The following CAMK1D variants were observed in gnomAD, a reference collection of about 807,000 sequenced individuals.
The protein encoded by CAMK1D is calcium/calmodulin-dependent protein kinase type 1D.
In CAMK1D, 9 loss-of-function variants were observed where a neutral mutation model predicts 47.7. The observed-to-expected ratio is 0.19, with a 90% CI of 0.11 to 0.33. CAMK1D has a LOEUF of 0.33. CAMK1D is among the 10% of genes least tolerant of loss of function. The probability of loss-of-function intolerance (pLI) is 1.00; values close to 1 mark genes in which losing one functional copy is unlikely to be tolerated. For synonymous variants in CAMK1D, 184 were observed against 184.9 expected (o/e 0.99, Z 0.04); for missense variants, 291 against 488.7 (o/e 0.60, Z 3.81).
At chr10:12,794,328 C>G (rs557873394) in intron 6 of CAMK1D, among the ~76,000 whole-genome samples, 1 of 152,046 alleles carries the variant, frequency 6.6e-6, no homozygotes, top group South Asian at 2.1e-4. Context: ...TGGGTGAGAT[C>G]AATAATTTGG....
intron 2 of CAMK1D, among the ~76,000 whole-genome samples, chr10:12,650,301 G>A (rs536703595): frequency 4.6e-5 from 7 of 152,254 alleles, no homozygotes; most frequent in African/African-American, 9.6e-5. Context: ...CCCGACCAGC[G>A]TGCCAGGGGC....
At chr10:12,771,136 G>T (rs921000573) in intron 5 of CAMK1D, among the ~76,000 whole-genome samples, 4 of 152,116 alleles carry the variant, frequency 2.6e-5, no homozygotes, top group South Asian at 4.1e-4. Flanking sequence ...TGTCATGTTG[G>T]CCAGGCTGGT....
chr10:12,399,628 A>G (rs928650623), intron 1 of CAMK1D, among the ~76,000 whole-genome samples: 2 of 152,222 alleles, frequency 1.3e-5, no homozygotes, highest in Admixed American at 6.5e-5. Context: ...TTTGCACTAT[A>G]TGCCAGTAAT....
chr10:12,644,062 G>A (rs1839749935), intron 2 of CAMK1D, among the ~76,000 whole-genome samples: 1 of 151,988 alleles, frequency 6.6e-6, no homozygotes, highest in Non-Finnish European at 1.5e-5. Context: ...TAAAGTGCAC[G>A]ATAAATGTAA....
At chr10:12,587,592 C>T (rs544443163) in intron 2 of CAMK1D, among the ~76,000 whole-genome samples, 5 of 151,358 alleles carry the variant, frequency 3.3e-5, no homozygotes, top group Admixed American at 2.6e-4. Context: ...CATATGCAGC[C>T]CGAGTTGAGA....
chr10:12,721,225 T>C (rs1365928755), intron 3 of CAMK1D, among the ~76,000 whole-genome samples: 2 of 152,238 alleles, frequency 1.3e-5, no homozygotes, highest in Non-Finnish European at 2.9e-5. Context: ...CACATTTCAA[T>C]TACTCGATAA....
At chr10:12,440,288 T>A (rs1832748848) in intron 1 of CAMK1D, among the ~76,000 whole-genome samples, 4 of 17,234 alleles carry the variant, frequency 2.3e-4, no homozygotes. Context: ...CTTTTTGGAT[T>A]TTTTTTTTTT....
chr10:12,489,490 G>T (rs933262360), intron 1 of CAMK1D, among the ~76,000 whole-genome samples: 7 of 152,156 alleles, frequency 4.6e-5, no homozygotes, highest in African/African-American at 1.7e-4. Context: ...GCTTCCATAA[G>T]GATCATTTTA....
intron 1 of CAMK1D, among the ~76,000 whole-genome samples, chr10:12,532,936 A>G (rs1273372195): frequency 8.6e-6 from 1 of 116,516 alleles, no homozygotes; most frequent in African/African-American, 3.3e-5. Flanking sequence ...AATGGCTTCT[A>G]GAGACTGCGA....
intron 1 of CAMK1D, among the ~76,000 whole-genome samples, chr10:12,487,999 C>T (rs1190028769): frequency 2.6e-5 from 4 of 152,118 alleles, no homozygotes; most frequent in East Asian, 1.9e-4. Flanking sequence ...CTGGGAAATA[C>T]GAGGGTATTT....
intron 1 of CAMK1D, among the ~76,000 whole-genome samples, chr10:12,414,151 GT>G (rs1839765734): frequency 6.6e-6 from 1 of 152,176 alleles, no homozygotes; most frequent in South Asian, 2.1e-4. Flanking sequence ...GTGTAGTTTA[GT>G]TCTTTAATTT....
At chr10:12,476,278 C>T (rs541866239) in intron 1 of CAMK1D, among the ~76,000 whole-genome samples, 23 of 151,404 alleles carry the variant, frequency 1.5e-4, no homozygotes, top group African/African-American at 4.6e-4. Flanking sequence ...GGCAACAGAA[C>T]GAGACTCTGT....
intron 6 of CAMK1D, among the ~76,000 whole-genome samples, chr10:12,808,802 C>T (rs1429638019): frequency 4.6e-5 from 7 of 151,538 alleles, no homozygotes; most frequent in South Asian, 4.2e-4. Context: ...ATAAACAAAA[C>T]GAAAACTGTG....
chr10:12,400,093 G>A (rs1012170333), intron 1 of CAMK1D, among the ~76,000 whole-genome samples: 1 of 152,174 alleles, frequency 6.6e-6, no homozygotes, highest in Non-Finnish European at 1.5e-5. Context: ...GATGTGACGC[G>A]ATGGGATGTC....
intron 1 of CAMK1D, among the ~76,000 whole-genome samples, chr10:12,387,445 TTA>T (rs373637712): frequency 0.27 from 18,210 of 66,668 alleles, 2,969 homozygotes; most frequent in African/African-American, 0.47. Context: ...TATATATATT[TTA>T]TATATATATA....
intron 2 of CAMK1D, among the ~76,000 whole-genome samples, chr10:12,664,105 G>A (rs945732235): frequency 6.6e-6 from 1 of 152,090 alleles, no homozygotes; most frequent in Non-Finnish European, 1.5e-5. Flanking sequence ...ACCCATTCAG[G>A]GCTCTGCTTT....
intron 2 of CAMK1D, among the ~76,000 whole-genome samples, chr10:12,646,907 T>C (rs1839825496): frequency 6.6e-6 from 1 of 152,120 alleles, no homozygotes; most frequent in Non-Finnish European, 1.5e-5. Flanking sequence ...AGTGGTGCGA[T>C]TTCGGCTCAC....
intron 2 of CAMK1D, among the ~76,000 whole-genome samples, chr10:12,638,826 G>C (rs1254064939): frequency 1.3e-5 from 2 of 152,192 alleles, no homozygotes; most frequent in Non-Finnish European, 2.9e-5. Context: ...TGAGCGAGGG[G>C]GTGAGGTTCC....
At position 12,510,643 on chromosome 10, in the gene CAMK1D, CGG is replaced by C. The variant is rs745427008; in HGVS notation, c.93-42580_93-42579del. ...GTGGTCTTGCTGCCAGTGCCACCTC[CGG>C]GACCCCCCTACGAATTCAGTGCTTC... On this transcript the variant is annotated intron_variant, in intron 1 of 10. Coordinates refer to ENST00000619168, the MANE Select transcript of CAMK1D (RefSeq NM_153498.4). Among the ~76,000 whole-genome samples the C allele has an allele frequency of 9.2e-5, 14 of 152,308 alleles. No individual in the cohort carries two copies. The South Asian group carries it at 2.9e-3, about 32-fold the overall frequency.
Sources: gnomAD v4.1 joint callset for allele counts (sites outside exome capture counted in the v4.1 genomes callset) on GRCh38, gnomAD v4.1.1 for gene constraint, MANE v1.5 for transcripts, NCBI Gene and HGNC (gene_info 2026-07-23, HGNC 2026-07-21) for gene names.